Variants in CENPP observed in about 807,000 individuals in gnomAD.
The protein encoded by CENPP is centromere protein P.
A neutral mutation model predicts 35.6 loss-of-function variants in CENPP; 24 were observed. The ratio of observed to expected loss-of-function variants is 0.67; its 90% CI spans 0.49 to 0.95. CENPP has a LOEUF of 0.95. Ranked by LOEUF, CENPP falls within the 40% of genes least tolerant of loss-of-function variation. CENPP has a pLI of 0.00. For missense variants in CENPP, 332 were observed against 345.3 expected, an observed-to-expected ratio of 0.96 and a Z score of 0.31; for synonymous variants, 120 against 125.5, an observed-to-expected ratio of 0.96 and a Z score of 0.29.
chr9:92,404,435 A>G, intron 5 of CENPP: 1 of 1,065,342 alleles, frequency 9.4e-7, no homozygotes. Flanking sequence ...TAAGACTATT[A>G]GATGAGTCAG....
chr9:92,498,022 T>C (rs1846456658), intron 5 of CENPP, among the ~76,000 whole-genome samples: 1 of 152,134 alleles, frequency 6.6e-6, no homozygotes, highest in African/African-American at 2.4e-5. Context: ...GCCAGTGCCG[T>C]GCTACTTGCA....
intron 4 of CENPP, among the ~76,000 whole-genome samples, chr9:92,357,564 A>G (rs2130826399): frequency 6.6e-6 from 1 of 151,454 alleles, no homozygotes; most frequent in East Asian, 1.9e-4. Context: ...GCGCGATCTC[A>G]GCTCACCGCA....
chr9:92,544,343 G>A (rs1849381266), intron 5 of CENPP, among the ~76,000 whole-genome samples: 1 of 152,164 alleles, frequency 6.6e-6, no homozygotes, highest in Non-Finnish European at 1.5e-5. Context: ...GGGTGTGCTG[G>A]CACATGCCTG....
intron 5 of CENPP, among the ~76,000 whole-genome samples, chr9:92,435,477 A>G (rs1844225097): frequency 6.6e-6 from 1 of 152,208 alleles, no homozygotes; most frequent in Non-Finnish European, 1.5e-5. Flanking sequence ...TATTACAATC[A>G]GGATATTGAG....
At chr9:92,433,096 G>A (rs151320845) in intron 5 of CENPP, among the ~76,000 whole-genome samples, 17 of 152,210 alleles carry the variant, frequency 1.1e-4, no homozygotes, top group Admixed American at 2.0e-4. Context: ...AGAATACCAC[G>A]CAATGAATAA....
At chr9:92,401,025 C>T (rs1168917143) in intron 5 of CENPP, 1 of 758,734 alleles carries the variant, frequency 1.3e-6, no homozygotes, top group Non-Finnish European at 2.3e-6. Context: ...TTGATTACCA[C>T]AAGGAATAAA....
intron 4 of CENPP, among the ~76,000 whole-genome samples, chr9:92,352,505 G>GTGTATATATATATATATATA: frequency 1.4e-4 from 7 of 49,792 alleles, no homozygotes; most frequent in African/African-American, 9.0e-4. Context: ...GTGTGTGTGT[G>GTGTATATATATATATATATA]TATACATATA....
chr9:92,340,088 C>T (rs1309784767), intron 3 of CENPP: 1 of 153,746 alleles, frequency 6.5e-6, no homozygotes, highest in Non-Finnish European at 1.5e-5. Flanking sequence ...GGAAACTGCT[C>T]AGGGGAATCC....
intron 5 of CENPP, among the ~76,000 whole-genome samples, chr9:92,388,047 A>G (rs1436766723): frequency 6.6e-6 from 1 of 152,142 alleles, no homozygotes; most frequent in Non-Finnish European, 1.5e-5. Context: ...TACAGGCATG[A>G]GCCACCGTGC....
At chr9:92,349,978 T>G (rs1841402787) in intron 4 of CENPP, among the ~76,000 whole-genome samples, 1 of 152,226 alleles carries the variant, frequency 6.6e-6, no homozygotes, top group African/African-American at 2.4e-5. Flanking sequence ...TATAATAAAC[T>G]GCCAAACCGT....
At chr9:92,333,100 A>G (rs922854523) in intron 2 of CENPP, among the ~76,000 whole-genome samples, 4 of 152,230 alleles carry the variant, frequency 2.6e-5, no homozygotes, top group African/African-American at 4.8e-5. Flanking sequence ...TCTGGTCCCA[A>G]TGACTAGATT....
intron 5 of CENPP, among the ~76,000 whole-genome samples, chr9:92,560,222 A>G (rs1349371841): frequency 1.3e-5 from 2 of 152,226 alleles, no homozygotes; most frequent in Non-Finnish European, 2.9e-5. Context: ...CAAAAAACAA[A>G]CTAGATAAAC....
At chr9:92,514,368 G>T (rs191220426) in intron 5 of CENPP, among the ~76,000 whole-genome samples, 31 of 150,874 alleles carry the variant, frequency 2.1e-4, no homozygotes, top group African/African-American at 6.8e-4. Context: ...TCCGCCTCCT[G>T]GATTCAAACG....
At chr9:92,346,151 T>C (rs1265064256) in intron 4 of CENPP, among the ~76,000 whole-genome samples, 1 of 152,212 alleles carries the variant, frequency 6.6e-6, no homozygotes, top group East Asian at 1.9e-4. Flanking sequence ...TACATAATGC[T>C]GTTGAAGTAT....
intron 5 of CENPP, among the ~76,000 whole-genome samples, chr9:92,484,181 C>T (rs966163930): frequency 3.3e-5 from 5 of 149,594 alleles, no homozygotes; most frequent in African/African-American, 1.2e-4. Context: ...TGTATGTTAC[C>T]AAAAAAAAAC....
At chr9:92,345,635 A>C in intron 3 of CENPP, 64 bp from the exon 4 acceptor site, 2 of 860,602 alleles carry the variant, frequency 2.3e-6, no homozygotes, top group Non-Finnish European at 3.8e-6. Flanking sequence ...GCATATTTCA[A>C]AAGTATTTTT....
intron 5 of CENPP, among the ~76,000 whole-genome samples, chr9:92,555,809 T>C (rs972714743): frequency 6.6e-6 from 1 of 152,252 alleles, no homozygotes; most frequent in Non-Finnish European, 1.5e-5. Flanking sequence ...GCTAATGGTC[T>C]ATCAATTTTA....
chr9:92,509,908 T>A, intron 5 of CENPP: 7 of 1,603,534 alleles, frequency 4.4e-6, no homozygotes, highest in Non-Finnish European at 5.9e-6. Context: ...CCTGATAAAC[T>A]TTCTTCATCG....
chr9:92,611,342 C>T lies in CENPP; in HGVS notation c.593C>T (p.Ser198Leu), dbSNP rs144788074. The change falls in exon 6 of 8, where the codon TCG (serine) becomes TTG (leucine). Residue 198 changes from serine to leucine, a missense_variant. By Grantham distance (145) the Ser-to-Leu change is moderately radical. Coordinates refer to ENST00000375587, the MANE Select transcript of CENPP (RefSeq NM_001012267.3). ...AAGTACCCAGATGCCGTGTACCTCT[C>T]GGAGGGGCCCTCCTCCTGCTCCATG... Reference protein sequence around the residue: ...KEKYPDAVYLSEGPSSCSMGI... With the variant: ...KEKYPDAVYLLEGPSSCSMGI... The T allele has an allele frequency of 7.6e-4, 1,226 of 1,613,716 alleles. 10 individuals carry two copies. In the African/African-American group the frequency reaches 0.013, roughly 18 times the overall value.
Sources: allele counts gnomAD v4.1 joint callset (sites outside exome capture counted in the v4.1 genomes callset), GRCh38; gene constraint gnomAD v4.1.1; transcripts MANE v1.5; gene names NCBI Gene and HGNC (gene_info 2026-07-23, HGNC 2026-07-21).